Variants in MBTPS1 observed in about 807,000 individuals in gnomAD.
MBTPS1 encodes membrane bound transcription factor peptidase, site 1.
Under a neutral mutation model 127.8 loss-of-function variants are expected in MBTPS1, and 94 were observed. The ratio of observed to expected loss-of-function variants is 0.74; its 90% CI spans 0.62 to 0.87. The LOEUF is 0.87. Among genes scored for constraint, MBTPS1 ranks in the 40% least tolerant of loss-of-function variants. MBTPS1 has a pLI of 0.00. For missense variants in MBTPS1, 1,636 were observed against 1,353.2 expected, an observed-to-expected ratio of 1.21 and a Z score of -3.28; for synonymous variants, 632 against 509.4, an observed-to-expected ratio of 1.24 and a Z score of -3.24.
chr16:84,060,464 G>A, intron 20 of MBTPS1: 1 of 511,070 alleles, frequency 2.0e-6, no homozygotes. Flanking sequence ...GAAAGCAGCT[G>A]CACACTGGGT....
chr16:84,111,677 G>T (rs570629567), intron 1 of MBTPS1, among the ~76,000 whole-genome samples: 1 of 152,158 alleles, frequency 6.6e-6, no homozygotes, highest in Non-Finnish European at 1.5e-5. Flanking sequence ...GCCTCCAGAC[G>T]GAGACAACCC....
chr16:84,087,285 C>T (rs536486682), intron 9 of MBTPS1, 73 bp downstream of exon 9: 9 of 1,162,362 alleles, frequency 7.7e-6, no homozygotes, highest in South Asian at 4.9e-5. Context: ...CCCCAAGGCT[C>T]GTCAACAACC....
chr16:84,065,951 CAAGTAAA>C (rs1330202113), intron 17 of MBTPS1, among the ~76,000 whole-genome samples, 184 bp from the exon 18 acceptor site: 1 of 152,054 alleles, frequency 6.6e-6, no homozygotes, highest in African/African-American at 2.4e-5. Flanking sequence ...CCTCAAAATT[CAAGTAAA>C]AAACACTACT....
In MBTPS1 at chr16:84,081,030, G is replaced by A. The variant is rs78245885; in HGVS notation, c.1448+717C>T. ...CAATGAAATCCAATGTGGGATCCTG[G>A]ACTGGATCCCAGAGAATGGACCTGT... On this transcript the variant is annotated intron_variant, in intron 11 of 22. Coordinates refer to ENST00000343411, the MANE Select transcript of MBTPS1 (RefSeq NM_003791.4). 8.9e-3 allele frequency among the ~76,000 whole-genome samples: 1,356 copies of A among 152,330 alleles called. 21 individuals carry two copies. Among genetic ancestry groups the A allele is most frequent in the African/African-American group, 0.031 (1,275 of 41,566 alleles).
intron 10 of MBTPS1, among the ~76,000 whole-genome samples, chr16:84,083,834 A>G (rs568281769): frequency 1.3e-5 from 2 of 152,360 alleles, no homozygotes; most frequent in South Asian, 4.1e-4. Flanking sequence ...TGGGGAAAAT[A>G]CAGTAACAAG....
chr16:84,105,575 A>G (rs1413652604), intron 1 of MBTPS1, among the ~76,000 whole-genome samples: 2 of 152,158 alleles, frequency 1.3e-5, no homozygotes, highest in Non-Finnish European at 2.9e-5. Context: ...AAGCGTGGCA[A>G]CACTGGAACC....
intron 1 of MBTPS1, among the ~76,000 whole-genome samples, chr16:84,115,741 G>C (rs1414683637): frequency 6.6e-6 from 1 of 152,204 alleles, no homozygotes; most frequent in Non-Finnish European, 1.5e-5. Context: ...AATGGGCATT[G>C]ACTACAACTG....
chr16:84,103,241 T>TTTA (rs200635664), intron 1 of MBTPS1, among the ~76,000 whole-genome samples: 21 of 149,582 alleles, frequency 1.4e-4, no homozygotes, highest in Non-Finnish European at 1.5e-4. Context: ...TACTTAGGAT[T>TTTA]TTATTATTAT....
At chr16:84,095,199 G>C (rs570122431) in intron 4 of MBTPS1, among the ~76,000 whole-genome samples, 74 of 152,352 alleles carry the variant, frequency 4.9e-4, no homozygotes, top group African/African-American at 1.7e-3. Context: ...GCCCAGATCA[G>C]GGACCATCTT....
intron 9 of MBTPS1, chr16:84,086,401 C>G (rs910085929): frequency 6.6e-6 from 1 of 152,398 alleles, no homozygotes; most frequent in Non-Finnish European, 1.5e-5. Flanking sequence ...GCTGAGGGAG[C>G]GTGGATGGGA....
At chr16:84,093,052 G>A in intron 6 of MBTPS1, 136 bp downstream of exon 6, 1 of 672,688 alleles carries the variant, frequency 1.5e-6, no homozygotes, top group Non-Finnish European at 2.7e-6. Flanking sequence ...AGTAAACTGA[G>A]CATGCGTGCT....
rs1048957749 is a variant in MBTPS1 at position 84,056,082 on chromosome 16, A to G, written c.2885T>C (p.Leu962Ser). 1 of 1,613,944 alleles carries G rather than the reference A, an allele frequency of 6.2e-7. No individual in the cohort carries two copies. Among genetic ancestry groups the G allele is most frequent in the Non-Finnish European group, 8.5e-7 (1 of 1,179,886 alleles). ...LLSIDLDKVV[L>S]PNFRSNRPQV... ...AGGGCGATTCGATCGAAAGTTGGGT[A>G]ACACCACCTTGTCCAGGTCAATGGA... Residue 962 changes from leucine (L) to serine (S), a missense_variant, in exon 22 of 23, where the codon TTA becomes TCA. Transcript: ENST00000343411.
intron 22 of MBTPS1, among the ~76,000 whole-genome samples, chr16:84,055,347 G>C (rs2085506704): frequency 6.6e-6 from 1 of 152,198 alleles, no homozygotes; most frequent in Non-Finnish European, 1.5e-5. Flanking sequence ...CTGGAACCCA[G>C]AGAAACTCCT....
At chr16:84,079,391 A>T (rs1311111995) in intron 11 of MBTPS1, among the ~76,000 whole-genome samples, 1 of 152,232 alleles carries the variant, frequency 6.6e-6, no homozygotes, top group African/African-American at 2.4e-5. Flanking sequence ...ATCAACGAGG[A>T]TGTGGGGGAA....
At chr16:84,074,863 G>A (rs2085829682) in intron 11 of MBTPS1, 122 bp from the exon 12 acceptor site, 4 of 836,764 alleles carry the variant, frequency 4.8e-6, no homozygotes, top group Non-Finnish European at 7.2e-6. Flanking sequence ...TTACAGCGCT[G>A]CCCTAGGCTG....
At chr16:84,066,877 G>A (rs1344922814) in intron 16 of MBTPS1, among the ~76,000 whole-genome samples, 4 of 152,214 alleles carry the variant, frequency 2.6e-5, no homozygotes, top group Admixed American at 2.6e-4. Context: ...TAACTGCTTA[G>A]CCTAGACCCA....
intron 17 of MBTPS1, 136 bp from the exon 18 acceptor site, chr16:84,065,903 C>CTGCT: frequency 1.9e-6 from 1 of 530,084 alleles, no homozygotes; most frequent in South Asian, 2.7e-5. Flanking sequence ...GAGGGAGGAG[C>CTGCT]TGCTATTGCC....
At chr16:84,065,483 T>C (rs567722088) in intron 18 of MBTPS1, among the ~76,000 whole-genome samples, 9 of 152,272 alleles carry the variant, frequency 5.9e-5, no homozygotes, top group Middle Eastern at 3.4e-3. Context: ...GTTCTGGAAG[T>C]AGACAATGGT....
intron 11 of MBTPS1, among the ~76,000 whole-genome samples, chr16:84,080,348 G>A (rs2085922434): frequency 1.3e-5 from 2 of 152,186 alleles, no homozygotes; most frequent in Admixed American, 1.3e-4. Flanking sequence ...ATCACCAAAG[G>A]CAAGAACCAT....
Sources: gnomAD v4.1 joint callset for allele counts (sites outside exome capture counted in the v4.1 genomes callset) on GRCh38, gnomAD v4.1.1 for gene constraint, MANE v1.5 for transcripts, NCBI Gene and HGNC (gene_info 2026-07-23, HGNC 2026-07-21) for gene names.